EPB42: variants seen among roughly 807,000 people sequenced by gnomAD.
The protein encoded by EPB42 is erythrocyte membrane protein band 4.2, also known as protein 4.2.
A neutral mutation model predicts 76.9 loss-of-function variants in EPB42; 49 were observed. The observed-to-expected ratio is 0.64, with a 90% CI of 0.51 to 0.81. The LOEUF (loss-of-function observed/expected upper bound fraction) is 0.81. EPB42 is among the 30% of genes least tolerant of loss of function. EPB42 has a pLI of 0.00. For missense variants in EPB42, 731 were observed against 867.6 expected (o/e 0.84, Z 1.98); for synonymous variants, 310 against 338.4 (o/e 0.92, Z 0.92).
At position 43,203,099 on chromosome 15, in the gene EPB42, G is replaced by A; in HGVS notation, c.1779+16C>T. 3.1e-6 allele frequency: 5 copies of A among 1,614,018 alleles called. No individual in the cohort carries two copies. Among genetic ancestry groups the A allele is most frequent in the Non-Finnish European group, 4.2e-6 (5 of 1,179,980 alleles). On this transcript the variant is annotated intron_variant, in intron 11 of 12. Transcript: ENST00000441366. ...GGTGGCAGACGAGGGCAACTCAGGG[G>A]AGGACTGGTGCCTACCTTGATGGCA... is the stretch of plus-strand genomic sequence containing the variant.
At chr15:43,198,763 C>T (rs1006462400) in intron 12 of EPB42, among the ~76,000 whole-genome samples, 2 of 152,120 alleles carry the variant, frequency 1.3e-5, no homozygotes, top group African/African-American at 4.8e-5. Context: ...CCCGGAGGCT[C>T]AGGAGGAAAA....
In EPB42 at chr15:43,203,154, C is replaced by A. The variant is rs1407094614; in HGVS notation, c.1740G>T (p.Gln580His). The A allele has an allele frequency of 3.1e-6, 5 of 1,614,046 alleles. No homozygotes were observed. Among genetic ancestry groups the A allele is most frequent in the Non-Finnish European group, 4.2e-6 (5 of 1,180,014 alleles). Residue 580 changes from glutamine (Q) to histidine (H), a missense_variant, in exon 11 of 13, where the codon CAG (glutamine) becomes CAT (histidine). Physicochemically the swap from Gln to His is conservative, Grantham distance 24. Transcript: ENST00000441366. ...GTGGTCTACAAATGGCAATGTCTTCCTGAGCAAAGCAGCTAAGGTTGGATT... is the reference window on the plus strand; with the variant it reads ...GTGGTCTACAAATGGCAATGTCTTCATGAGCAAAGCAGCTAAGGTTGGATT... Reference protein sequence around the residue: ...HSESNLSCFAQEDIAICRPHL... With the variant: ...HSESNLSCFAHEDIAICRPHL...
At chr15:43,211,716 T>C (rs2042300196) in intron 3 of EPB42, among the ~76,000 whole-genome samples, 182 bp from the exon 4 acceptor site, 1 of 152,070 alleles carries the variant, frequency 6.6e-6, no homozygotes, top group Non-Finnish European at 1.5e-5. Flanking sequence ...CAGCCCAGAG[T>C]CCCTGGGTCA....
intron 11 of EPB42, 51 bp downstream of exon 11, chr15:43,203,064 G>C: frequency 6.2e-7 from 1 of 1,608,718 alleles, no homozygotes; most frequent in Non-Finnish European, 8.5e-7. Flanking sequence ...TCTGAAATGG[G>C]GACCTGAGTG....
intron 7 of EPB42, 83 bp downstream of exon 7, chr15:43,208,554 G>A: frequency 6.3e-7 from 1 of 1,598,944 alleles, no homozygotes; most frequent in Non-Finnish European, 8.6e-7. Flanking sequence ...GGGCCATGCA[G>A]GGGGTGGGGC....
chr15:43,222,401 G>A (rs1353062397), upstream of EPB42, among the ~76,000 whole-genome samples: 2 of 152,180 alleles, frequency 1.3e-5, no homozygotes, highest in African/African-American at 4.8e-5. Context: ...TAAGAAATGT[G>A]AAGTGCTGTC....
Position 43,215,296 on chromosome 15 carries a change from C to T in EPB42, c.229G>A (p.Ala77Thr). 6.2e-7 allele frequency: 1 copy of T among 1,614,232 alleles called. No homozygotes were observed. The highest frequency in any genetic ancestry group is 8.5e-7 in the Non-Finnish European group (1 of 1,180,050). Residue 77 changes from alanine (A) to threonine (T), a missense_variant, in exon 3 of 13, where the codon GCC becomes ACC. Coordinates refer to ENST00000441366, the MANE Select transcript of EPB42 (RefSeq NM_001114134.2). ...CCCAGACTGGAAATTGGGAATGTGG[C>T]TTGGGTCCTGTTGATCTTGGAAGGC... The part of the protein sequence containing the change: ...EQPSKINRTQ[A>T]TFPISSLGDR...
chr15:43,215,565 G>A (rs1026767950), intron 2 of EPB42, among the ~76,000 whole-genome samples: 2 of 152,158 alleles, frequency 1.3e-5, no homozygotes, highest in African/African-American at 2.4e-5. Flanking sequence ...CTTCTTCATG[G>A]TCCATGGGAG....
chr15:43,208,653 G>T lies in EPB42; in HGVS notation c.955C>A (p.Gln319Lys), dbSNP rs763139927. 4.6e-5 allele frequency: 74 copies of T among 1,613,990 alleles called. No homozygotes were observed. The highest frequency in any genetic ancestry group is 6.0e-5 in the Non-Finnish European group (71 of 1,180,010). ...NEEGLQNGEG[Q>K]RGRIWIFQTS... ...GCTTCTCACCAGATTCTGCCTCTCT[G>T]GCCTTCTCCGTTCTGAAGTCCCTCC... The change falls in exon 7 of 13, where the codon CAG (glutamine) becomes AAG (lysine). Residue 319 changes from glutamine (Q) to lysine (K), a missense_variant. Physicochemically the swap from Gln to Lys is moderately conservative, Grantham distance 53 (BLOSUM62 1). Transcript: ENST00000441366.
chr15:43,219,998 G>T (rs999611395), intron 1 of EPB42, among the ~76,000 whole-genome samples: 4 of 150,918 alleles, frequency 2.7e-5, no homozygotes, highest in Admixed American at 2.0e-4. Context: ...TTCACAAGAC[G>T]TGGCTGAGAT....
intron 3 of EPB42, among the ~76,000 whole-genome samples, chr15:43,212,394 G>GAAA (rs371744098): frequency 7.1e-6 from 1 of 140,406 alleles, no homozygotes; most frequent in African/African-American, 2.6e-5. Context: ...AAAGAAAAAA[G>GAAA]AAAAAAAAAA....
At position 43,214,675 on chromosome 15, in the gene EPB42, CAGAA is replaced by C. The variant is rs1412473701; in HGVS notation, c.430+416_430+419del. Among the ~76,000 whole-genome samples the C allele has an allele frequency of 7.2e-5, 11 of 152,236 alleles. No individual in the cohort carries two copies. In the East Asian group the frequency reaches 1.9e-3, roughly 27 times the overall value. ...GCAAAGCCTGAGTGCACTCTGGAAA[CAGAA>C]TAGCCGGGGAGAGAGAGAGAAGCCC... On this transcript the variant is annotated intron_variant, in intron 3 of 12. Transcript: ENST00000441366.
At chr15:43,222,325 A>G (rs2042469891), upstream of EPB42, among the ~76,000 whole-genome samples, 2 of 152,212 alleles carry the variant, frequency 1.3e-5, no homozygotes, top group African/African-American at 2.4e-5. Flanking sequence ...CAAGTCAGAA[A>G]CTGTAATTAA....
At position 43,197,335 on chromosome 15, in the gene EPB42, G is replaced by A. The variant is rs144789551; in HGVS notation, c.2043C>T (p.Ser681=). 5.8e-5 allele frequency: 94 copies of A among 1,614,034 alleles called. No homozygotes were observed. Among genetic ancestry groups the A allele is most frequent in the African/African-American group, 8.0e-5 (6 of 74,908 alleles). Residue 681 remains serine, a synonymous_variant, in exon 13 of 13, where the codon AGC becomes AGT. Transcript: ENST00000441366. ...NMFQNLTNYK[S]VTVVAPELSA is the part of the protein sequence containing the mutation. Reference sequence around the variant, plus strand: ...ATAGTTCAGGGGCTACCACGGTGACGCTTTTATAGTTGGTTAGGTTCTGGA... The same window carrying A: ...ATAGTTCAGGGGCTACCACGGTGACACTTTTATAGTTGGTTAGGTTCTGGA...
chr15:43,220,649 A>AACCCCCCC, intron 1 of EPB42, 167 bp downstream of exon 1: 15 of 388,196 alleles, frequency 3.9e-5, no homozygotes, highest in South Asian at 8.7e-5. Context: ...CACCTACCAC[A>AACCCCCCC]CCCCCCCCCC....
At chr15:43,217,145 A>T (rs1397567855) in intron 1 of EPB42, among the ~76,000 whole-genome samples, 1 of 152,140 alleles carries the variant, frequency 6.6e-6, no homozygotes, top group Non-Finnish European at 1.5e-5. Context: ...TGTAATCCCC[A>T]GTGTTAGAGG....
In EPB42 at chr15:43,211,538, G is replaced by T; in HGVS notation, c.431-4C>A. 6.2e-7 allele frequency: 1 copy of T among 1,600,234 alleles called. No homozygotes were observed. The highest frequency in any genetic ancestry group is 8.6e-7 in the Non-Finnish European group (1 of 1,167,348). On this transcript the variant is annotated splice_polypyrimidine_tract_variant and splice_region_variant and intron_variant, in intron 3 of 12. Transcript: ENST00000441366. ...TTCTTCAGGAACACAGCATCCTCTG[G>T]TGAGAGGTGGGTAGGGATGAGGGCC...
At chr15:43,199,299 G>A in intron 12 of EPB42, among the ~76,000 whole-genome samples, 1 of 152,238 alleles carries the variant, frequency 6.6e-6, no homozygotes, top group East Asian at 1.9e-4. Context: ...CAGGGGCAGA[G>A]AGAACTGCCC....
intron 8 of EPB42, 59 bp from the exon 9 acceptor site, chr15:43,207,500 G>C: frequency 1.2e-6 from 2 of 1,604,912 alleles, no homozygotes; most frequent in Non-Finnish European, 1.7e-6. Context: ...GCTCAGTTCA[G>C]AACTGCGTAA....
Sources: allele counts gnomAD v4.1 joint callset (sites outside exome capture counted in the v4.1 genomes callset), GRCh38; gene constraint gnomAD v4.1.1; transcripts MANE v1.5; gene names NCBI Gene and HGNC (gene_info 2026-07-23, HGNC 2026-07-21).